Variants in CERKL observed in about 807,000 individuals in gnomAD.
CERKL encodes ceramide kinase-like protein.
Under a neutral mutation model 63.4 loss-of-function variants are expected in CERKL, and 61 were observed. The observed-to-expected ratio is 0.96, with a 90% CI of 0.78 to 1.19. The LOEUF is 1.19. Ranked by LOEUF, CERKL falls within the 50% of genes most tolerant of loss-of-function variation. The pLI, the probability that CERKL is intolerant of heterozygous loss-of-function variation, is 0.00. For missense variants in CERKL, 675 were observed against 655.5 expected (o/e 1.03, Z -0.33); for synonymous variants, 250 against 230.5 (o/e 1.08, Z -0.77).
intron 1 of CERKL, among the ~76,000 whole-genome samples, chr2:181,640,504 G>T (rs1687372719): frequency 6.6e-6 from 1 of 152,164 alleles, no homozygotes; most frequent in South Asian, 2.1e-4. Flanking sequence ...ACCCAATCAA[G>T]TGGCAGGCTA....
intron 2 of CERKL, among the ~76,000 whole-genome samples, chr2:181,576,751 G>A (rs1684244232): frequency 6.6e-6 from 1 of 152,206 alleles, no homozygotes; most frequent in Non-Finnish European, 1.5e-5. Flanking sequence ...CTGCAGTGGA[G>A]GTTAAAAGTT....
chr2:181,565,419 T>C (rs1247122402), intron 4 of CERKL: 4 of 1,599,642 alleles, frequency 2.5e-6, no homozygotes, highest in Non-Finnish European at 2.6e-6. Flanking sequence ...GGCAATGAAA[T>C]TTATATCACT....
chr2:181,567,286 T>C (rs992662344), intron 3 of CERKL, among the ~76,000 whole-genome samples: 3 of 152,150 alleles, frequency 2.0e-5, no homozygotes, highest in East Asian at 1.9e-4. Context: ...CAGCAAGTAC[T>C]TACAACCTTA....
intron 1 of CERKL, among the ~76,000 whole-genome samples, chr2:181,609,775 A>G (rs1685885197): frequency 6.6e-6 from 1 of 152,100 alleles, no homozygotes; most frequent in Admixed American, 6.6e-5. Context: ...TAAAGCTATT[A>G]CAATAGAAGT....
intron 1 of CERKL, 102 bp from the exon 2 acceptor site, chr2:181,604,181 G>C: frequency 1.1e-6 from 1 of 941,848 alleles, no homozygotes; most frequent in Non-Finnish European, 1.6e-6. Context: ...CAAAGGGAGA[G>C]GATCAAGAAA....
intron 11 of CERKL, among the ~76,000 whole-genome samples, chr2:181,540,913 G>A (rs544289885): frequency 6.6e-6 from 1 of 152,194 alleles, no homozygotes; most frequent in East Asian, 1.9e-4. Context: ...CATTTGAATT[G>A]AGCCTTAAAG....
At chr2:181,606,522 G>C (rs1402494833) in intron 1 of CERKL, among the ~76,000 whole-genome samples, 1 of 57,856 alleles carries the variant, frequency 1.7e-5, no homozygotes, top group Admixed American at 1.5e-4. Context: ...GGGGAGGAGA[G>C]GGTAGGGGAG....
At chr2:181,570,762 G>GA (rs1240909069) in intron 3 of CERKL, among the ~76,000 whole-genome samples, 3 of 152,084 alleles carry the variant, frequency 2.0e-5, no homozygotes, top group African/African-American at 7.2e-5. Flanking sequence ...ATAAATTTAT[G>GA]AAAAAATTAC....
At chr2:181,538,629 A>G (rs1445171424) in intron 12 of CERKL, among the ~76,000 whole-genome samples, 1 of 152,152 alleles carries the variant, frequency 6.6e-6, no homozygotes, top group Non-Finnish European at 1.5e-5. Context: ...AATTGTTCCC[A>G]AGGGAAGTTG....
intron 1 of CERKL, among the ~76,000 whole-genome samples, chr2:181,654,187 G>A (rs374218645): frequency 1.2e-4 from 18 of 149,272 alleles, no homozygotes; most frequent in South Asian, 4.2e-4. Flanking sequence ...CCCAAAAAGC[G>A]CTGATACTTT....
chr2:181,559,881 C>T (rs1374064684), intron 4 of CERKL, among the ~76,000 whole-genome samples: 1 of 152,110 alleles, frequency 6.6e-6, no homozygotes, highest in East Asian at 1.9e-4. Flanking sequence ...CTCCACATAG[C>T]CTGGGCAATC....
At chr2:181,574,274 T>G (rs1689030482) in intron 2 of CERKL, among the ~76,000 whole-genome samples, 1 of 152,150 alleles carries the variant, frequency 6.6e-6, no homozygotes, top group Admixed American at 6.5e-5. Flanking sequence ...GTACATTTCC[T>G]CTCCTTAGCT....
chr2:181,656,737 G>T (rs918225572), intron 1 of CERKL, 32 bp downstream of exon 1: 2 of 1,534,192 alleles, frequency 1.3e-6, no homozygotes. Context: ...AAGCGCGGAG[G>T]GAGGCGAAGA....
At chr2:181,599,104 G>C (rs1051105020) in intron 2 of CERKL, among the ~76,000 whole-genome samples, 3 of 152,112 alleles carry the variant, frequency 2.0e-5, no homozygotes, top group Admixed American at 6.5e-5. Context: ...AACTCAGTGA[G>C]AGCCAAGAGA....
intron 2 of CERKL, among the ~76,000 whole-genome samples, chr2:181,593,214 T>A (rs1482109603): frequency 6.6e-6 from 1 of 152,154 alleles, no homozygotes; most frequent in Non-Finnish European, 1.5e-5. Context: ...AAAAATTCTA[T>A]CAGTCACAAT....
At chr2:181,635,452 G>A (rs1371035943) in intron 1 of CERKL, among the ~76,000 whole-genome samples, 3 of 151,916 alleles carry the variant, frequency 2.0e-5, no homozygotes, top group Non-Finnish European at 4.4e-5. Context: ...AAATGGGTGA[G>A]GAATGGAAAT....
intron 1 of CERKL, among the ~76,000 whole-genome samples, chr2:181,640,810 T>C (rs1687387673): frequency 6.6e-6 from 1 of 152,222 alleles, no homozygotes; most frequent in Admixed American, 6.5e-5. Flanking sequence ...TTGCCCTCTC[T>C]GGTTTAATGA....
chr2:181,626,068 AG>A (rs1686690604), intron 1 of CERKL, among the ~76,000 whole-genome samples: 1 of 152,206 alleles, frequency 6.6e-6, no homozygotes. Context: ...GAGTTTAAAT[AG>A]CTTGCCCCAG....
intron 2 of CERKL, among the ~76,000 whole-genome samples, chr2:181,582,538 T>TATATATATATATATATATATATATATA (rs1559089065): frequency 7.1e-6 from 1 of 141,726 alleles, no homozygotes; most frequent in African/African-American, 2.7e-5. Flanking sequence ...TATATATATG[T>TATATATATATATATATATATATATATA]TTTTTTTTTT....
Sources: allele counts gnomAD v4.1 joint callset (sites outside exome capture counted in the v4.1 genomes callset), GRCh38; gene constraint gnomAD v4.1.1; transcripts MANE v1.5; gene names NCBI Gene and HGNC (gene_info 2026-07-23, HGNC 2026-07-21).